The following ITGA3 variants were observed in gnomAD, a reference collection of about 807,000 sequenced individuals.
ITGA3 encodes the protein integrin alpha-3.
ITGA3 carries 70 observed loss-of-function variants against 131.1 expected under a neutral mutation model. The ratio of observed to expected loss-of-function variants is 0.53; its 90% CI spans 0.44 to 0.65. The LOEUF (loss-of-function observed/expected upper bound fraction) is 0.65. Ranked by LOEUF, ITGA3 falls within the 30% of genes least tolerant of loss-of-function variation. ITGA3 has a pLI of 0.00. For missense variants in ITGA3, 1,098 were observed against 1,388.6 expected, an observed-to-expected ratio of 0.79 and a Z score of 3.33; for synonymous variants, 537 against 571.6, an observed-to-expected ratio of 0.94 and a Z score of 0.86.
chr17:50,061,134 G>A (rs904662067), intron 1 of ITGA3, among the ~76,000 whole-genome samples: 4 of 152,130 alleles, frequency 2.6e-5, no homozygotes, highest in Non-Finnish European at 5.9e-5. Flanking sequence ...CTCTGGGGGG[G>A]TGAAGCGGGG....
In ITGA3 at chr17:50,076,418, G is replaced by T. The variant is rs1179553594; in HGVS notation, c.1767G>T (p.Arg589=). The change falls in exon 13 of 26, where the codon CGG becomes CGT. Residue 589 remains arginine, a synonymous_variant. Transcript: ENST00000320031. ...RMPDRPRLGL[R]SLDAYPILNQ... ...CCGATCGCCCCCGGCTGGGGCTGCGGTCCCTGGACGCCTACCCGATCCTCA... is the reference window on the plus strand; with the variant it reads ...CCGATCGCCCCCGGCTGGGGCTGCGTTCCCTGGACGCCTACCCGATCCTCA... The T allele has an allele frequency of 1.9e-6, 3 of 1,612,036 alleles. No individual in the cohort carries two copies. The highest frequency in any genetic ancestry group is 4.5e-5 in the East Asian group (2 of 44,874).
intron 15 of ITGA3, 48 bp downstream of exon 15, chr17:50,077,169 C>G (rs746265676): frequency 1.3e-6 from 2 of 1,496,250 alleles, no homozygotes; most frequent in South Asian, 1.3e-5. Context: ...CTCCCCGCGT[C>G]TTTGCATCCC....
chr17:50,074,035 C>T, intron 8 of ITGA3, 31 bp downstream of exon 8: 2 of 1,572,244 alleles, frequency 1.3e-6, no homozygotes, highest in South Asian at 2.2e-5. Flanking sequence ...GTCTGCTGCC[C>T]CCACCAGCCG....
intron 1 of ITGA3, among the ~76,000 whole-genome samples, chr17:50,058,650 C>T (rs565160873): frequency 2.0e-5 from 3 of 152,234 alleles, no homozygotes; most frequent in Non-Finnish European, 4.4e-5. Flanking sequence ...TGAGTATCCT[C>T]AGTCTTTCCT....
intron 16 of ITGA3, 34 bp downstream of exon 16, chr17:50,077,481 G>C: frequency 6.5e-7 from 1 of 1,544,284 alleles, no homozygotes; most frequent in Non-Finnish European, 9.0e-7. Flanking sequence ...AGTCCTCCTG[G>C]GTCCCTGGCT....
At chr17:50,081,233 G>T in intron 22 of ITGA3, 77 bp from the exon 23 acceptor site, 2 of 895,830 alleles carry the variant, frequency 2.2e-6, no homozygotes, top group South Asian at 1.6e-5. Flanking sequence ...GGGTGATGGG[G>T]TGGGAAAGCT....
Position 50,076,349 on chromosome 17 carries a change from C to T in ITGA3, c.1698C>T (p.Arg566=). The change falls in exon 13 of 26, where the codon CGC becomes CGT. Residue 566 remains arginine (R), a synonymous_variant. Coordinates refer to ENST00000320031, the MANE Select transcript of ITGA3 (RefSeq NM_002204.4). The part of the protein sequence containing the change: ...LLMDNLRDKL[R]PIIISMNYSL... Reference sequence around the variant, plus strand: ...AGGACAACCTCCGTGACAAACTCCGCCCCATCATCATCTCCATGAACTACT... The same window carrying T: ...AGGACAACCTCCGTGACAAACTCCGTCCCATCATCATCTCCATGAACTACT... 1 of 1,613,800 alleles carries T rather than the reference C, an allele frequency of 6.2e-7. No individual in the cohort carries two copies.
At chr17:50,057,359 G>C (rs138106051) in intron 1 of ITGA3, among the ~76,000 whole-genome samples, 272 of 152,328 alleles carry the variant, frequency 1.8e-3, no homozygotes, top group African/African-American at 5.9e-3. Context: ...CCCTGAGTGT[G>C]TTTGTTTTGG....
intron 4 of ITGA3, among the ~76,000 whole-genome samples, chr17:50,068,775 T>C (rs1410041230): frequency 1.3e-5 from 2 of 152,034 alleles, no homozygotes; most frequent in African/African-American, 4.8e-5. Flanking sequence ...GTGCTGGGAT[T>C]ATGGGCATGA....
rs899315470 is a variant in ITGA3, at chr17:50,080,134, G to A, written c.2707-128G>A. The A allele has an allele frequency of 6.2e-5, 36 of 581,366 alleles. 1 individual carries two copies. In the East Asian group the frequency reaches 1.0e-3, roughly 16 times the overall value. The allele number at this position is 581,366 out of a possible 1,614,324, so 36.0% of individuals were successfully genotyped here. ...TTGGGGGACGTGTGCATGAGTGAAAGGAAGTCAGACCCCTTTGGGTCACCC... is the reference window on the plus strand; with the variant it reads ...TTGGGGGACGTGTGCATGAGTGAAAAGAAGTCAGACCCCTTTGGGTCACCC... On this transcript the variant is annotated intron_variant, in intron 21 of 25. Transcript: ENST00000320031.
At chr17:50,072,313 G>A in intron 7 of ITGA3, 131 bp downstream of exon 7, 1 of 801,844 alleles carries the variant, frequency 1.2e-6, no homozygotes, top group South Asian at 1.7e-5. Context: ...GGCCGGACCT[G>A]GGGAGCTCGC....
Position 50,064,809 on chromosome 17 carries a change from C to G in ITGA3, c.414+202C>G. 1 of 528,426 alleles carries G rather than the reference C, an allele frequency of 1.9e-6. No individual in the cohort carries two copies. The highest frequency in any genetic ancestry group is 3.4e-6 in the Non-Finnish European group (1 of 298,464). The allele number at this position is 528,426 out of a possible 1,614,324, so 32.7% of individuals were successfully genotyped here. On this transcript the variant is annotated intron_variant, in intron 3 of 25. Coordinates refer to ENST00000320031, the MANE Select transcript of ITGA3 (RefSeq NM_002204.4). This position sits in a 1 kb window ranked among gnomAD's most constrained non-coding sequence, Gnocchi z 4.4. Reference sequence around the variant, plus strand: ...GTGAGTATCCTGTGCTCTCCCAAACCCCCGCACGGCCTGAGTTCTCTGACT... The same window carrying G: ...GTGAGTATCCTGTGCTCTCCCAAACGCCCGCACGGCCTGAGTTCTCTGACT...
At chr17:50,087,937 C>T (rs1277879606) in intron 24 of ITGA3, 68 bp downstream of exon 24, 3 of 1,483,770 alleles carry the variant, frequency 2.0e-6, no homozygotes, top group Non-Finnish European at 2.7e-6. Context: ...TCCTCCAACC[C>T]ACGTCTCCCC....
intron 6 of ITGA3, 85 bp downstream of exon 6, chr17:50,071,603 A>G: frequency 7.9e-7 from 1 of 1,273,724 alleles, no homozygotes; most frequent in African/African-American, 1.5e-5. Context: ...GGAGTGGAGG[A>G]TTTGCAGTTG....
In ITGA3 at chr17:50,079,168, G is replaced by A. The variant is rs2144304201; in HGVS notation, c.2493G>A (p.Leu831=). The A allele has an allele frequency of 6.2e-7, 1 of 1,614,010 alleles. No individual in the cohort carries two copies. Among genetic ancestry groups the A allele is most frequent in the Middle Eastern group, 1.6e-4 (1 of 6,062 alleles). Residue 831 remains leucine, a synonymous_variant, in exon 20 of 26, where the codon CTG becomes CTA. Coordinates refer to ENST00000320031, the MANE Select transcript of ITGA3 (RefSeq NM_002204.4). ...PYEVSNGKWL[L]YPTEITVHGN... ...AAGTCAGCAATGGCAAGTGGCTGCT[G>A]TATCCCACGGAGATCACCGTCCATG... is the stretch of plus-strand genomic sequence containing the variant.
chr17:50,077,489 G>A (rs755529005), intron 16 of ITGA3, 42 bp downstream of exon 16: 3 of 1,475,180 alleles, frequency 2.0e-6, no homozygotes, highest in East Asian at 2.3e-5. Flanking sequence ...TGGGTCCCTG[G>A]CTGCACCTCT....
chr17:50,068,765 G>T (rs1387204370), intron 4 of ITGA3, among the ~76,000 whole-genome samples: 2 of 152,030 alleles, frequency 1.3e-5, no homozygotes, highest in Admixed American at 1.3e-4. Flanking sequence ...GCCTCCCAAA[G>T]TGCTGGGATT....
chr17:50,086,239 A>T (rs368105950), intron 23 of ITGA3: 3 of 119,260 alleles, frequency 2.5e-5, no homozygotes, highest in East Asian at 6.7e-4. Flanking sequence ...TATATTATAC[A>T]TGTATAATAT....
intron 18 of ITGA3, 43 bp downstream of exon 18, chr17:50,078,327 C>T (rs372567661): frequency 2.6e-6 from 4 of 1,552,514 alleles, no homozygotes; most frequent in Non-Finnish European, 3.5e-6. Context: ...CCTGCTGTGC[C>T]TAAGCTAGGG....
Sources: gnomAD v4.1 joint callset for allele counts (sites outside exome capture counted in the v4.1 genomes callset) on GRCh38, gnomAD v4.1.1 for gene constraint, Gnocchi (gnomAD v3.1) non-coding constraint, MANE v1.5 for transcripts, NCBI Gene and HGNC (gene_info 2026-07-23, HGNC 2026-07-21) for gene names.